The following PPM1H variants were observed in gnomAD, a reference collection of about 807,000 sequenced individuals.
PPM1H encodes protein phosphatase, Mg2+/Mn2+ dependent 1H, also known as protein phosphatase 1H.
A neutral mutation model predicts 54.9 loss-of-function variants in PPM1H; 27 were observed. The observed-to-expected ratio is 0.49, with a 90% CI of 0.36 to 0.68. The LOEUF is 0.68. Among genes scored for constraint, PPM1H ranks in the 30% least tolerant of loss-of-function variants. The pLI is 0.00. For synonymous variants in PPM1H, 305 were observed against 270.8 expected, an observed-to-expected ratio of 1.13 and a Z score of -1.24; for missense variants, 596 against 667.8, an observed-to-expected ratio of 0.89 and a Z score of 1.19.
chr12:62,818,871 A>T (rs1203911824), intron 2 of PPM1H, among the ~76,000 whole-genome samples: 1 of 132,496 alleles, frequency 7.5e-6, no homozygotes, highest in Non-Finnish European at 1.5e-5. Flanking sequence ...CCCAGGCTGG[A>T]GTGCAGTGGT....
At chr12:62,754,684 T>A (rs1392389797) in intron 4 of PPM1H, among the ~76,000 whole-genome samples, 1 of 152,220 alleles carries the variant, frequency 6.6e-6, no homozygotes, top group Non-Finnish European at 1.5e-5. Context: ...TCATTCCCAA[T>A]GCTTCTCTCC....
At chr12:62,905,877 C>G (rs545663570) in intron 1 of PPM1H, among the ~76,000 whole-genome samples, 1 of 152,052 alleles carries the variant, frequency 6.6e-6, no homozygotes, top group Non-Finnish European at 1.5e-5. Context: ...TATGATGATG[C>G]AAAGAACCAG....
Position 62,742,677 on chromosome 12 carries a change from G to A in PPM1H, c.870-5091C>T, listed in dbSNP as rs555873667. Among the ~76,000 whole-genome samples the A allele has an allele frequency of 2.1e-4, 32 of 152,326 alleles. 1 individual carries two copies. In the South Asian group the frequency reaches 6.6e-3, roughly 32 times the overall value. ...AAAAACCAAATGCCGTGGCTGCGAG[G>A]GTGCAGGAGAGCTACGTATACACTC... On this transcript the variant is annotated intron_variant, in intron 4 of 9. Coordinates refer to ENST00000228705, the MANE Select transcript of PPM1H (RefSeq NM_020700.2).
chr12:62,676,295 T>C (rs2075985694), intron 8 of PPM1H, among the ~76,000 whole-genome samples: 1 of 152,182 alleles, frequency 6.6e-6, no homozygotes, highest in Admixed American at 6.5e-5. Context: ...AACAGCTTAT[T>C]GATGGCAGTA....
chr12:62,739,620 G>A (rs1342345510), intron 4 of PPM1H, among the ~76,000 whole-genome samples: 2 of 152,184 alleles, frequency 1.3e-5, no homozygotes, highest in East Asian at 3.8e-4. Context: ...AAGAGCCAGC[G>A]ATGCCCAATC....
At chr12:62,818,097 G>A (rs532405347) in intron 2 of PPM1H, among the ~76,000 whole-genome samples, 5 of 152,250 alleles carry the variant, frequency 3.3e-5, no homozygotes, top group Admixed American at 6.5e-5. Flanking sequence ...GGAGTCAGAC[G>A]TGGGCAAAAA....
chr12:62,934,910 T>A lies in PPM1H; in HGVS notation c.-174A>T, dbSNP rs540296461. On this transcript the variant is annotated 5_prime_UTR_variant, in exon 1 of 10. Coordinates refer to ENST00000228705, the MANE Select transcript of PPM1H (RefSeq NM_020700.2). This position sits in a 1 kb window ranked among gnomAD's most constrained non-coding sequence, Gnocchi z 4.2. ...TGCTGCAGGGGGCCGAGCCCCGGCC[T>A]CTCGTGCTTAGTGCCGCGGTGGCCG... The A allele has an allele frequency of 1.4e-4, 67 of 489,070 alleles. No homozygotes were observed. In the South Asian group the frequency reaches 4.5e-3, roughly 33 times the overall value. 30.3% of individuals were successfully genotyped at this position (489,070 alleles called of 1,614,324 possible).
chr12:62,925,331 C>T (rs1871940929), intron 1 of PPM1H, among the ~76,000 whole-genome samples: 1 of 152,108 alleles, frequency 6.6e-6, no homozygotes, highest in African/African-American at 2.4e-5. Flanking sequence ...GCAATCCCAG[C>T]ATTTTGGGAG....
chr12:62,666,518 T>C (rs905225387), intron 9 of PPM1H, among the ~76,000 whole-genome samples: 7 of 152,192 alleles, frequency 4.6e-5, no homozygotes, highest in Admixed American at 1.3e-4. Flanking sequence ...TGGATGACTA[T>C]CAGTGCTGGG....
chr12:62,927,325 G>T (rs114804133), intron 1 of PPM1H, among the ~76,000 whole-genome samples: 1 of 152,132 alleles, frequency 6.6e-6, no homozygotes, highest in Non-Finnish European at 1.5e-5. Flanking sequence ...TTCATGAATG[G>T]GAAGCCCTTC....
At chr12:62,730,232 G>C (rs12306385) in intron 5 of PPM1H, among the ~76,000 whole-genome samples, 2,118 of 152,264 alleles carry the variant, frequency 0.014, 51 homozygotes, top group African/African-American at 0.049. Flanking sequence ...AGCCTGTTTG[G>C]TGGTCTCTTC....
chr12:62,782,891 G>T (rs185062868), intron 4 of PPM1H, among the ~76,000 whole-genome samples: 94 of 152,288 alleles, frequency 6.2e-4, no homozygotes, highest in Non-Finnish European at 1.2e-3. Context: ...GCAGTGGTGT[G>T]ATCACGGCTC....
At chr12:62,727,913 A>G (rs168082) in intron 5 of PPM1H, among the ~76,000 whole-genome samples, 77,700 of 151,622 alleles carry the variant, frequency 0.51, 23,866 homozygotes, top group African/African-American at 0.86. Context: ...CATTCCCCTC[A>G]GCCTCCCAAA....
chr12:62,798,432 A>T (rs565009576), intron 3 of PPM1H, among the ~76,000 whole-genome samples: 2 of 152,288 alleles, frequency 1.3e-5, no homozygotes, highest in East Asian at 3.9e-4. Context: ...CTTTCAGCTT[A>T]ATTTTTTTTC....
intron 3 of PPM1H, among the ~76,000 whole-genome samples, chr12:62,799,945 A>G (rs1413365634): frequency 6.6e-6 from 1 of 152,044 alleles, no homozygotes; most frequent in Non-Finnish European, 1.5e-5. Flanking sequence ...GGCTCAAACA[A>G]TCCTCCGGCC....
In PPM1H at chr12:62,893,627, G is replaced by A. The variant is rs111588554; in HGVS notation, c.245+40865C>T. On this transcript the variant is annotated intron_variant, in intron 1 of 9. Transcript: ENST00000228705. Reference sequence around the variant, plus strand: ...GCATGCCACCATGCCTGGCTAATATGTGTGTGTGCGGGGGGGAGGGGGTGT... The same window carrying A: ...GCATGCCACCATGCCTGGCTAATATATGTGTGTGCGGGGGGGAGGGGGTGT... Among the ~76,000 whole-genome samples the A allele has an allele frequency of 9.5e-3, 1,439 of 151,876 alleles. 12 individuals are homozygous for A. Among genetic ancestry groups the A allele is most frequent in the Non-Finnish European group, 0.014 (980 of 67,938 alleles).
chr12:62,869,480 C>T (rs1176509871), intron 1 of PPM1H, among the ~76,000 whole-genome samples: 2 of 152,170 alleles, frequency 1.3e-5, no homozygotes, highest in Non-Finnish European at 2.9e-5. Context: ...GATTTGGATG[C>T]AGGCAATGTG....
rs1872239059 is a variant in PPM1H at position 62,934,067 on chromosome 12, C to A, written c.245+425G>T. The A allele has an allele frequency of 6.3e-6, 1 of 159,418 alleles. No homozygotes were observed. Among genetic ancestry groups the A allele is most frequent in the Non-Finnish European group, 1.4e-5 (1 of 73,096 alleles). 9.9% of individuals were successfully genotyped at this position (159,418 alleles called of 1,614,324 possible). A position where few individuals can be genotyped will look rare whatever the true frequency, so the allele number is the denominator to read the frequency against. On this transcript the variant is annotated intron_variant, in intron 1 of 9. Transcript: ENST00000228705. This position sits in a 1 kb window ranked among gnomAD's most constrained non-coding sequence, Gnocchi z 4.2. Reference sequence around the variant, plus strand: ...GCGCAGTGACATCTCCTCCAAGCCTCCACCCCCATAAACTCTTCATCACGC... The same window carrying A: ...GCGCAGTGACATCTCCTCCAAGCCTACACCCCCATAAACTCTTCATCACGC...
intron 1 of PPM1H, among the ~76,000 whole-genome samples, chr12:62,884,123 T>C (rs1171472369): frequency 1.3e-5 from 2 of 151,736 alleles, no homozygotes; most frequent in African/African-American, 4.9e-5. Context: ...GTGACCCCCG[T>C]CCCTGGCAAA....
Sources: gnomAD v4.1 joint callset for allele counts (sites outside exome capture counted in the v4.1 genomes callset) on GRCh38, gnomAD v4.1.1 for gene constraint, Gnocchi (gnomAD v3.1) non-coding constraint, MANE v1.5 for transcripts, NCBI Gene and HGNC (gene_info 2026-07-23, HGNC 2026-07-21) for gene names.